Variants in VWC2 observed in about 807,000 individuals in gnomAD.
The protein encoded by VWC2 is brorin.
Under a neutral mutation model 29.8 loss-of-function variants are expected in VWC2, and 14 were observed. The ratio of observed to expected loss-of-function variants is 0.47; its 90% CI spans 0.31 to 0.74. The LOEUF (loss-of-function observed/expected upper bound fraction) is 0.74. Among genes scored for constraint, VWC2 ranks in the 30% least tolerant of loss-of-function variants. The pLI, the probability that VWC2 is intolerant of heterozygous loss-of-function variation, is 0.05. For synonymous variants in VWC2, 213 were observed against 199.0 expected (o/e 1.07, Z -0.59); for missense variants, 457 against 459.8 (o/e 0.99, Z 0.05).
chr7:49,877,462 CAAA>C (rs1169480763), intron 3 of VWC2, among the ~76,000 whole-genome samples: 30 of 7,028 alleles, frequency 4.3e-3, no homozygotes, highest in Middle Eastern at 0.25. Context: ...AACTCTGTCT[CAAA>C]AAAAAAAAAA....
At chr7:49,819,740 A>AG (rs1438660285) in intron 3 of VWC2, among the ~76,000 whole-genome samples, 3 of 152,184 alleles carry the variant, frequency 2.0e-5, no homozygotes, top group Non-Finnish European at 2.9e-5. Context: ...TGATTCTCTA[A>AG]GGGGGGCCCG....
chr7:49,822,072 A>G (rs1789274142), intron 3 of VWC2, among the ~76,000 whole-genome samples: 1 of 152,208 alleles, frequency 6.6e-6, no homozygotes, highest in Non-Finnish European at 1.5e-5. Context: ...ACTTTGGAAG[A>G]CCTACTTTAA....
intron 3 of VWC2, among the ~76,000 whole-genome samples, chr7:49,851,162 G>A (rs1790164283): frequency 1.3e-5 from 2 of 152,188 alleles, no homozygotes; most frequent in Admixed American, 1.3e-4. Flanking sequence ...AGGCTTCACT[G>A]CAGGCTCTGC....
intron 3 of VWC2, among the ~76,000 whole-genome samples, chr7:49,870,081 G>C (rs1294831839): frequency 1.3e-5 from 2 of 152,100 alleles, no homozygotes; most frequent in Non-Finnish European, 2.9e-5. Context: ...AGTACTGATT[G>C]GGAAGGGACA....
chr7:49,836,126 A>G (rs1232178036), intron 3 of VWC2, among the ~76,000 whole-genome samples: 1 of 152,212 alleles, frequency 6.6e-6, no homozygotes, highest in Admixed American at 6.5e-5. Flanking sequence ...ATTATTCCAT[A>G]TGGCATCACA....
At chr7:49,816,044 G>T (rs1789135269) in intron 3 of VWC2, among the ~76,000 whole-genome samples, 1 of 152,148 alleles carries the variant, frequency 6.6e-6, no homozygotes, top group Non-Finnish European at 1.5e-5. Context: ...GAGAAGGAGT[G>T]TGTGGGTTGT....
chr7:49,789,034 G>A (rs964396989), intron 2 of VWC2, among the ~76,000 whole-genome samples: 27 of 147,284 alleles, frequency 1.8e-4, no homozygotes, highest in Admixed American at 1.5e-3. Context: ...GAGCGTGTGG[G>A]TGCATGTGTG....
chr7:49,824,007 C>T (rs1192644018), intron 3 of VWC2, among the ~76,000 whole-genome samples: 1 of 151,706 alleles, frequency 6.6e-6, no homozygotes, highest in African/African-American at 2.4e-5. Flanking sequence ...TAATACAAAT[C>T]CTTCATCTAG....
intron 3 of VWC2, among the ~76,000 whole-genome samples, chr7:49,832,861 ACC>A (rs1425405494): frequency 6.6e-6 from 1 of 152,170 alleles, no homozygotes; most frequent in East Asian, 1.9e-4. Flanking sequence ...TTTGCCAAGT[ACC>A]TCCAGGCACT....
chr7:49,849,037 G>T (rs1246986086), intron 3 of VWC2, among the ~76,000 whole-genome samples: 1 of 152,158 alleles, frequency 6.6e-6, no homozygotes, highest in Admixed American at 6.5e-5. Context: ...TTTAGGTCCT[G>T]CTTGCTTCAT....
intron 3 of VWC2, among the ~76,000 whole-genome samples, chr7:49,911,663 A>G (rs1222654510): frequency 2.6e-5 from 4 of 151,844 alleles, no homozygotes; most frequent in African/African-American, 9.7e-5. Flanking sequence ...TTGGGAAGCC[A>G]AGGTGGGTGG....
intron 3 of VWC2, among the ~76,000 whole-genome samples, chr7:49,862,174 T>C (rs1285749635): frequency 1.3e-5 from 2 of 152,224 alleles, no homozygotes; most frequent in Admixed American, 1.3e-4. Context: ...TTTATAGTTT[T>C]TAATGCACAA....
chr7:49,852,850 C>T (rs1583680596), intron 3 of VWC2, among the ~76,000 whole-genome samples: 1 of 152,330 alleles, frequency 6.6e-6, no homozygotes, highest in East Asian at 1.9e-4. Context: ...GTGACTGGCT[C>T]CTTGAACTAC....
intron 3 of VWC2, among the ~76,000 whole-genome samples, chr7:49,848,989 T>C: frequency 6.6e-6 from 1 of 152,236 alleles, no homozygotes; most frequent in East Asian, 1.9e-4. Flanking sequence ...GTGTTGATTA[T>C]ATCTGCTCAA....
At chr7:49,883,489 G>A (rs1420136159) in intron 3 of VWC2, among the ~76,000 whole-genome samples, 5 of 152,090 alleles carry the variant, frequency 3.3e-5, no homozygotes, top group African/African-American at 1.2e-4. Context: ...CTAACTCAGG[G>A]AGATTAGGAA....
chr7:49,839,867 A>G (rs1789753545), intron 3 of VWC2, among the ~76,000 whole-genome samples: 1 of 152,246 alleles, frequency 6.6e-6, no homozygotes, highest in African/African-American at 2.4e-5. Flanking sequence ...AGTTAGAAGC[A>G]TTCAAAGAAG....
intron 3 of VWC2, among the ~76,000 whole-genome samples, chr7:49,837,230 C>T (rs568084446): frequency 2.0e-5 from 3 of 152,178 alleles, no homozygotes; most frequent in Non-Finnish European, 4.4e-5. Flanking sequence ...ATAACCAGAG[C>T]ACTGTGAGAC....
chr7:49,912,620 C>G lies in VWC2; in HGVS notation c.*435C>G, dbSNP rs1872137. ...GTTCCCCCTGCACATTTTCACAGGG[C>G]AGAGTCACGCATGAATGGATCATAA... On this transcript the variant is annotated 3_prime_UTR_variant, in exon 4 of 4. Transcript: ENST00000340652. The G allele has an allele frequency of 1.3e-5, 2 of 155,440 alleles. No individual in the cohort carries two copies. Among genetic ancestry groups the G allele is most frequent in the African/African-American group, 4.8e-5 (2 of 41,450 alleles). The allele number at this position is 155,440 out of a possible 1,614,324, so 9.6% of individuals were successfully genotyped here.
intron 3 of VWC2, among the ~76,000 whole-genome samples, chr7:49,828,341 T>G (rs1789450563): frequency 6.6e-6 from 1 of 152,200 alleles, no homozygotes; most frequent in Non-Finnish European, 1.5e-5. Flanking sequence ...GCACCAGGAT[T>G]TTTGTGGACA....
Sources: allele counts gnomAD v4.1 joint callset (sites outside exome capture counted in the v4.1 genomes callset), GRCh38; gene constraint gnomAD v4.1.1; transcripts MANE v1.5; gene names NCBI Gene and HGNC (gene_info 2026-07-23, HGNC 2026-07-21).